HK1: variants seen among roughly 807,000 people sequenced by gnomAD.
HK1 encodes the protein hexokinase 1, also known as hexokinase-1.
Under a neutral mutation model 91.6 loss-of-function variants are expected in HK1, and 28 were observed. That is an observed-to-expected ratio of 0.31 (90% CI 0.23 to 0.42). The LOEUF (loss-of-function observed/expected upper bound fraction) is 0.42. Ranked by LOEUF, HK1 falls within the 10% of genes least tolerant of loss-of-function variation. The pLI is 1.00. For missense variants in HK1, 770 were observed against 1,219.8 expected (o/e 0.63, Z 5.49); for synonymous variants, 430 against 468.1 (o/e 0.92, Z 1.05).
In HK1 at chr10:69,381,546, C is replaced by CTTTTT. The variant is rs35306200; in HGVS notation, c.1266-926_1266-922dup. Among the ~76,000 whole-genome samples the CTTTTT allele has an allele frequency of 2.3e-4, 31 of 132,228 alleles. 2 individuals carry two copies. Among genetic ancestry groups the CTTTTT allele is most frequent in the East Asian group, 4.2e-4 (2 of 4,722 alleles). 86.7% of individuals were successfully genotyped at this position (132,228 alleles called of 152,430 possible). A position where few individuals can be genotyped will look rare whatever the true frequency, so the allele number is the denominator to read the frequency against. ...ATAACATGAAGTATATCATCTTAACCTTTTTTTTTTTTTTTTTTTGAAGGC... is the reference window on the plus strand; with the variant it reads ...ATAACATGAAGTATATCATCTTAACCTTTTTTTTTTTTTTTTTTTTTTTTGAAGGC... On this transcript the variant is annotated intron_variant, in intron 9 of 17. Transcript: ENST00000359426.
chr10:69,290,818 G>A (rs1415588024), intron 3 of HK1, among the ~76,000 whole-genome samples: 1 of 152,188 alleles, frequency 6.6e-6, no homozygotes, highest in African/African-American at 2.4e-5. Flanking sequence ...GCTTTTGAGA[G>A]GATTGAATTC....
chr10:69,352,146 C>T (rs770919879), intron 2 of HK1, among the ~76,000 whole-genome samples: 53 of 152,066 alleles, frequency 3.5e-4, no homozygotes, highest in Non-Finnish European at 6.8e-4. Context: ...GCACCTACCA[C>T]TACACCCAGC....
chr10:69,348,637 C>G (rs1054862855), intron 2 of HK1, among the ~76,000 whole-genome samples: 2 of 152,112 alleles, frequency 1.3e-5, no homozygotes, highest in Non-Finnish European at 2.9e-5. Flanking sequence ...ATGGCGAAAC[C>G]CCGTCTCTAC....
intron 1 of HK1, among the ~76,000 whole-genome samples, chr10:69,273,130 A>C (rs981122200): frequency 1.2e-4 from 18 of 150,692 alleles, no homozygotes; most frequent in African/African-American, 3.9e-4. Context: ...TCTTGGGTTC[A>C]AGCAATTCTC....
At chr10:69,398,869 G>A (rs1589595075) in intron 17 of HK1, 41 bp downstream of exon 17, 1 of 1,496,410 alleles carries the variant, frequency 6.7e-7, no homozygotes, top group African/African-American at 1.4e-5. Flanking sequence ...AGCTTGCTGG[G>A]ATCCCTTTGG....
chr10:69,400,923 G>A, intron 17 of HK1, 68 bp from the exon 18 acceptor site: 2 of 1,551,548 alleles, frequency 1.3e-6, no homozygotes, highest in Non-Finnish European at 1.8e-6. Flanking sequence ...CTGTGCTTTG[G>A]TGTTTTCGGG....
chr10:69,384,609 GATGCTTTTTGCC>G, intron 11 of HK1, 128 bp downstream of exon 11: 1 of 1,443,270 alleles, frequency 6.9e-7, no homozygotes, highest in Admixed American at 1.7e-5. Flanking sequence ...AGAAGCACCA[GATGCTTTTTGCC>G]ATGCCTGGCT....
At chr10:69,283,432 G>A (rs1367259529) in intron 2 of HK1, among the ~76,000 whole-genome samples, 1 of 151,406 alleles carries the variant, frequency 6.6e-6, no homozygotes, top group Non-Finnish European at 1.5e-5. Context: ...TCCAGCCTGG[G>A]TGACTGAGTG....
chr10:69,374,146 T>G (rs1843819088), intron 7 of HK1, among the ~76,000 whole-genome samples: 1 of 152,206 alleles, frequency 6.6e-6, no homozygotes, highest in South Asian at 2.1e-4. Flanking sequence ...CTTTCTGTGG[T>G]TCTGCTGCTC....
At chr10:69,288,783 GTTTC>G (rs760948532) in intron 3 of HK1, 157 of 1,610,312 alleles carry the variant, frequency 9.7e-5, no homozygotes, top group Middle Eastern at 1.7e-4. Context: ...AAGCTCTGGT[GTTTC>G]TTTCTTTCTT....
chr10:69,351,548 A>AC (rs1318555867), intron 2 of HK1, among the ~76,000 whole-genome samples: 246 of 152,050 alleles, frequency 1.6e-3, no homozygotes, highest in African/African-American at 5.7e-3. Context: ...AAACAAAAAA[A>AC]CCCAAAGCTA....
chr10:69,317,717 T>C (rs1169245542), upstream of HK1, among the ~76,000 whole-genome samples: 3 of 152,230 alleles, frequency 2.0e-5, no homozygotes, highest in Non-Finnish European at 4.4e-5. Flanking sequence ...TACAACTTCC[T>C]GGCTGTATAA....
At chr10:69,272,787 A>C (rs1844234605) in intron 1 of HK1, among the ~76,000 whole-genome samples, 1 of 148,880 alleles carries the variant, frequency 6.7e-6, no homozygotes, top group Non-Finnish European at 1.5e-5. Context: ...TTCTTTTTTT[A>C]AATTTATCTT....
At chr10:69,341,540 A>G (rs1056941553) in intron 1 of HK1, among the ~76,000 whole-genome samples, 1 of 148,428 alleles carries the variant, frequency 6.7e-6, no homozygotes. Flanking sequence ...TCATGGCTCA[A>G]TGCAGCCTCA....
intron 3 of HK1, chr10:69,288,838 G>GT: frequency 7.5e-7 from 1 of 1,337,814 alleles, no homozygotes; most frequent in African/African-American, 1.4e-5. Context: ...CCAGGCTGGA[G>GT]TGTAGTGGCG....
At chr10:69,316,927 T>C (rs961589042), upstream of HK1, among the ~76,000 whole-genome samples, 9 of 152,242 alleles carry the variant, frequency 5.9e-5, no homozygotes, top group African/African-American at 1.9e-4. Flanking sequence ...CTTGTTCTCA[T>C]TCACTCCATT....
At chr10:69,319,084 G>C in intron 1 of HK1, 74 bp downstream of exon 1, 1 of 1,515,858 alleles carries the variant, frequency 6.6e-7, no homozygotes, top group Non-Finnish European at 9.0e-7. Context: ...CGCCTCCGCT[G>C]CCTCCATCCT....
intron 3 of HK1, among the ~76,000 whole-genome samples, chr10:69,290,070 G>C (rs1845227789): frequency 6.6e-6 from 1 of 152,058 alleles, no homozygotes; most frequent in African/African-American, 2.4e-5. Context: ...CTGAAGCAAG[G>C]ACTACAGCTG....
intron 5 of HK1, among the ~76,000 whole-genome samples, chr10:69,302,188 G>A (rs77487426): frequency 0.082 from 12,291 of 150,734 alleles, 973 homozygotes; most frequent in East Asian, 0.48. Flanking sequence ...CAGAGGTTGC[G>A]GTGAGCTGAG....
Sources: allele counts gnomAD v4.1 joint callset (sites outside exome capture counted in the v4.1 genomes callset), GRCh38; gene constraint gnomAD v4.1.1; transcripts MANE v1.5; gene names NCBI Gene and HGNC (gene_info 2026-07-23, HGNC 2026-07-21).